The following ZDHHC15 variants were observed in gnomAD, a reference collection of about 807,000 sequenced individuals.
The protein encoded by ZDHHC15 is palmitoyltransferase ZDHHC15.
Under a neutral mutation model 31.7 loss-of-function variants are expected in ZDHHC15, and 19 were observed. That is an observed-to-expected ratio of 0.60 (90% CI 0.42 to 0.88). ZDHHC15 has a LOEUF of 0.88. ZDHHC15 is among the 40% of genes least tolerant of loss of function. ZDHHC15 has a pLI of 0.00. For synonymous variants in ZDHHC15, 103 were observed against 90.0 expected (o/e 1.14, Z -0.82); for missense variants, 209 against 251.2 (o/e 0.83, Z 1.14).
chrX:75,520,347 C>T (rs2085425267), intron 1 of ZDHHC15, among the ~76,000 whole-genome samples: 1 of 111,919 alleles, frequency 8.9e-6, no homozygotes, highest in South Asian at 3.7e-4. Context: ...GTTTGCTCAT[C>T]TGTGCCTCAG....
intron 1 of ZDHHC15, among the ~76,000 whole-genome samples, chrX:75,515,076 ATAAT>A (rs1431291186): frequency 3.6e-5 from 4 of 111,459 alleles, no homozygotes; most frequent in Non-Finnish European, 5.6e-5. Flanking sequence ...AATTGAGGCA[ATAAT>A]TAATAGTCTA....
intron 11 of ZDHHC15, among the ~76,000 whole-genome samples, chrX:75,373,411 C>A (rs907726836): frequency 1.8e-5 from 2 of 111,464 alleles, no homozygotes; most frequent in African/African-American, 3.3e-5. Flanking sequence ...GTTTACTCAT[C>A]TGTAAAACTG....
chrX:75,517,714 G>A lies in ZDHHC15; in HGVS notation c.136+5175C>T, dbSNP rs142644572. On this transcript the variant is annotated intron_variant, in intron 1 of 11. Coordinates refer to ENST00000373367, the MANE Select transcript of ZDHHC15 (RefSeq NM_144969.3). ...TAACAAACCTGCATGTTGTGCACAC[G>A]TACCCTAAAACTTAAAGTATAATAA... 8.1e-3 allele frequency among the ~76,000 whole-genome samples: 876 copies of A among 108,632 alleles called. 11 individuals are homozygous for A. Among genetic ancestry groups the A allele is most frequent in the African/African-American group, 0.027 (804 of 29,594 alleles). 94.3% of individuals were successfully genotyped at this position (108,632 alleles called of 115,157 possible).
chrX:75,386,810 T>C (rs189965029), intron 10 of ZDHHC15, among the ~76,000 whole-genome samples: 1 of 111,918 alleles, frequency 8.9e-6, no homozygotes, highest in Non-Finnish European at 1.9e-5. Flanking sequence ...TTTCTTGTCA[T>C]GGTTACTATA....
intron 9 of ZDHHC15, among the ~76,000 whole-genome samples, chrX:75,421,399 T>TAA (rs1491424739): frequency 3.9e-4 from 5 of 12,738 alleles, no homozygotes; most frequent in East Asian, 0.03. Context: ...TATATATATA[T>TAA]TATATATATA....
chrX:75,422,917 C>CTAGCATT (rs1451202857), intron 8 of ZDHHC15, among the ~76,000 whole-genome samples: 2 of 106,368 alleles, frequency 1.9e-5, no homozygotes, highest in African/African-American at 6.8e-5. Context: ...AACTTGTCAT[C>CTAGCATT]TAGCATTAGG....
In ZDHHC15 at chrX:75,444,479, GA is replaced by G. The variant is rs775989573; in HGVS notation, c.379+6322del. 9.7e-4 allele frequency among the ~76,000 whole-genome samples: 71 copies of G among 73,072 alleles called. 1 individual carries two copies. Among genetic ancestry groups the G allele is most frequent in the Admixed American group, 8.0e-3 (51 of 6,365 alleles). The allele number at this position is 73,072 out of a possible 115,157, so 63.5% of individuals were successfully genotyped here. A position where few individuals can be genotyped will look rare whatever the true frequency, so the allele number is the denominator to read the frequency against. On this transcript the variant is annotated intron_variant, in intron 4 of 11. Coordinates refer to ENST00000373367, the MANE Select transcript of ZDHHC15 (RefSeq NM_144969.3). ...ACCAGGGCCTGTCGTGGGGTGGGGG[GA>G]GGGGGGAGGGATAGCATTAGGAGAT... is the stretch of plus-strand genomic sequence containing the variant.
In ZDHHC15 at chrX:75,421,897, T is replaced by C. The variant is rs1452755379; in HGVS notation, c.830A>G (p.Lys277Arg). Residue 277 changes from lysine to arginine, a missense_variant, in exon 9 of 12, where the codon AAG becomes AGG. Transcript: ENST00000373367. The part of the protein sequence containing the change: ...IKNIQQVFGD[K>R]KKFWLIPIGS... Reference sequence around the variant, plus strand: ...AATAGGTATTAACCAGAACTTCTTCTTATCTCCAAACACCTGCTGGATATT... The same window carrying C: ...AATAGGTATTAACCAGAACTTCTTCCTATCTCCAAACACCTGCTGGATATT... 4.1e-6 allele frequency: 5 copies of C among 1,208,404 alleles called. No individual in the cohort carries two copies. The highest frequency in any genetic ancestry group is 5.6e-6 in the Non-Finnish European group (5 of 894,523).
intron 4 of ZDHHC15, among the ~76,000 whole-genome samples, chrX:75,442,398 A>G (rs1018736755): frequency 9.0e-6 from 1 of 111,713 alleles, no homozygotes; most frequent in Non-Finnish European, 1.9e-5. Context: ...GTATATCTAG[A>G]AAACCCCATT....
intron 3 of ZDHHC15, among the ~76,000 whole-genome samples, chrX:75,473,168 T>C (rs776286200): frequency 2.9e-4 from 32 of 111,704 alleles, no homozygotes; most frequent in Non-Finnish European, 7.5e-5. Context: ...TTCCCTATCA[T>C]CCCGAAGCAG....
chrX:75,509,477 T>C (rs1035736381), intron 1 of ZDHHC15, among the ~76,000 whole-genome samples: 1 of 112,142 alleles, frequency 8.9e-6, no homozygotes, highest in Non-Finnish European at 1.9e-5. Context: ...CAAAAGGGAC[T>C]TGTGAAAGGA....
intron 10 of ZDHHC15, among the ~76,000 whole-genome samples, chrX:75,400,459 C>T (rs181399484): frequency 2.2e-3 from 240 of 111,534 alleles, no homozygotes; most frequent in African/African-American, 6.9e-3. Flanking sequence ...ATGAACAAAA[C>T]CTCCAAGAAG....
At chrX:75,463,161 A>G (rs1200128221) in intron 3 of ZDHHC15, among the ~76,000 whole-genome samples, 2 of 110,966 alleles carry the variant, frequency 1.8e-5, no homozygotes, top group South Asian at 3.8e-4. Flanking sequence ...GAGAAAATTT[A>G]GAATAAATTC....
At chrX:75,389,392 G>C (rs1373686280) in intron 10 of ZDHHC15, among the ~76,000 whole-genome samples, 1 of 109,949 alleles carries the variant, frequency 9.1e-6, no homozygotes, top group Non-Finnish European at 1.9e-5. Flanking sequence ...TCAAGGGATT[G>C]CTTGTGTAAC....
intron 1 of ZDHHC15, among the ~76,000 whole-genome samples, chrX:75,508,420 A>G (rs1343295688): frequency 4.7e-5 from 5 of 105,571 alleles, no homozygotes. Context: ...TCCTTGCGAT[A>G]GTTTGCCGAG....
intron 3 of ZDHHC15, among the ~76,000 whole-genome samples, chrX:75,474,546 T>TTA (rs200793794): frequency 3.0e-3 from 20 of 6,575 alleles, no homozygotes; most frequent in South Asian, 7.3e-3. Context: ...ATAATCCCCT[T>TTA]TATATATATA....
At chrX:75,401,784 A>C (rs1418129814) in intron 10 of ZDHHC15, among the ~76,000 whole-genome samples, 1 of 112,169 alleles carries the variant, frequency 8.9e-6, no homozygotes, top group East Asian at 2.8e-4. Flanking sequence ...CCCACACAAT[A>C]ATAGTGGGAG....
chrX:75,404,359 T>C (rs2083388261), intron 10 of ZDHHC15, among the ~76,000 whole-genome samples: 1 of 111,748 alleles, frequency 8.9e-6, no homozygotes, highest in African/African-American at 3.2e-5. Flanking sequence ...ATCACAACAA[T>C]AGCAAAAATT....
intron 10 of ZDHHC15, among the ~76,000 whole-genome samples, chrX:75,394,854 C>T (rs568961559): frequency 1.4e-4 from 16 of 111,815 alleles, no homozygotes; most frequent in African/African-American, 4.5e-4. Flanking sequence ...ATAATATGCA[C>T]CACAGATGAA....
Sources: allele counts gnomAD v4.1 joint callset (sites outside exome capture counted in the v4.1 genomes callset), GRCh38; gene constraint gnomAD v4.1.1; transcripts MANE v1.5; gene names NCBI Gene and HGNC (gene_info 2026-07-23, HGNC 2026-07-21).